Variants in JAK1 observed in about 807,000 individuals in gnomAD.
JAK1 encodes Janus kinase 1.
In JAK1, 16 loss-of-function variants were observed where a neutral mutation model predicts 136.6. The observed-to-expected ratio is 0.12, with a 90% CI of 0.08 to 0.18. The LOEUF (loss-of-function observed/expected upper bound fraction) is 0.18, where lower values mean the gene tolerates loss of function less well. JAK1 is among the 10% of genes least tolerant of loss of function. JAK1 has a pLI of 1.00. For missense variants in JAK1, 859 were observed against 1,450.1 expected, an observed-to-expected ratio of 0.59 and a Z score of 6.62; for synonymous variants, 492 against 519.5, an observed-to-expected ratio of 0.95 and a Z score of 0.72.
chr1:64,888,844 C>T (rs1168521594), intron 1 of JAK1, among the ~76,000 whole-genome samples: 4 of 152,142 alleles, frequency 2.6e-5, no homozygotes, highest in African/African-American at 9.7e-5. Context: ...AACTGTGATG[C>T]TTTTGAATGC....
chr1:64,860,608 C>A (rs1374722916), intron 8 of JAK1, among the ~76,000 whole-genome samples: 1 of 151,926 alleles, frequency 6.6e-6, no homozygotes, highest in Non-Finnish European at 1.5e-5. Flanking sequence ...CACCTGCCAT[C>A]ACACCTGGCT....
chr1:64,930,387 CA>C (rs1221042302), intron 1 of JAK1, among the ~76,000 whole-genome samples: 1 of 152,068 alleles, frequency 6.6e-6, no homozygotes, highest in Non-Finnish European at 1.5e-5. Flanking sequence ...GGCCAACAAA[CA>C]TAGGGGAAAA....
At chr1:64,922,140 T>C (rs966832744) in intron 1 of JAK1, among the ~76,000 whole-genome samples, 1 of 137,374 alleles carries the variant, frequency 7.3e-6, no homozygotes, top group Non-Finnish European at 1.5e-5. Context: ...CATTTGATTG[T>C]TCTTATGGAA....
chr1:65,055,234 G>A (rs1194748651), intron 1 of JAK1, among the ~76,000 whole-genome samples: 2 of 152,192 alleles, frequency 1.3e-5, no homozygotes, highest in Non-Finnish European at 2.9e-5. Flanking sequence ...GGAGCCTCAT[G>A]TGAGTGGAAT....
intron 4 of JAK1, among the ~76,000 whole-genome samples, chr1:64,876,819 GA>G (rs1309763060): frequency 1.3e-5 from 2 of 151,610 alleles, no homozygotes; most frequent in African/African-American, 4.8e-5. Flanking sequence ...AAAGGAGAAA[GA>G]AAAAAAAGAC....
chr1:64,911,256 C>T (rs146628779), intron 1 of JAK1, among the ~76,000 whole-genome samples: 1 of 152,234 alleles, frequency 6.6e-6, no homozygotes, highest in Non-Finnish European at 1.5e-5. Flanking sequence ...TAATAGTAAA[C>T]AATAGATGGG....
chr1:65,065,673 C>G (rs1166991442), intron 1 of JAK1, among the ~76,000 whole-genome samples: 2 of 150,462 alleles, frequency 1.3e-5, no homozygotes, highest in Non-Finnish European at 3.0e-5. Flanking sequence ...GGTGTGTCTT[C>G]TGCTTGGGAG....
At chr1:64,954,795 G>A (rs1646152957) in intron 1 of JAK1, among the ~76,000 whole-genome samples, 1 of 152,218 alleles carries the variant, frequency 6.6e-6, no homozygotes, top group African/African-American at 2.4e-5. Context: ...ATTATTGTAA[G>A]AAAACTGGAT....
chr1:64,879,865 G>T (rs1644742579), intron 3 of JAK1, among the ~76,000 whole-genome samples: 1 of 152,072 alleles, frequency 6.6e-6, no homozygotes, highest in Admixed American at 6.5e-5. Flanking sequence ...GAGAATGATG[G>T]GAAAGACCAG....
Position 64,867,072 on chromosome 1 carries a change from A to T in JAK1, c.784T>A (p.Ser262Thr). The T allele has an allele frequency of 1.2e-6, 2 of 1,614,228 alleles. No individual in the cohort carries two copies. The highest frequency in any genetic ancestry group is 2.2e-5 in the East Asian group (1 of 44,890). The change falls in exon 7 of 25, where the codon TCC (serine) becomes ACC (threonine). Residue 262 changes from serine to threonine, a missense_variant. Transcript: ENST00000342505. Reference protein sequence around the residue: ...NNKTICDSSVSTHDLKVKYLA... With the variant: ...NNKTICDSSVTTHDLKVKYLA... ...TATTTCACCTTCAGGTCATGCGTGGACACGCTGCTGTCACAAATGGTCTTG... is the reference window on the plus strand; with the variant it reads ...TATTTCACCTTCAGGTCATGCGTGGTCACGCTGCTGTCACAAATGGTCTTG...
chr1:64,985,342 C>T, intron 2 of JAK1: 1 of 1,611,216 alleles, frequency 6.2e-7, no homozygotes, highest in Non-Finnish European at 8.5e-7. Context: ...ACTTGCTTTT[C>T]TTGTGCCATC....
intron 1 of JAK1, among the ~76,000 whole-genome samples, chr1:64,919,382 T>C (rs1645457022): frequency 6.6e-6 from 1 of 152,360 alleles, no homozygotes; most frequent in South Asian, 2.1e-4. Context: ...TTCCATGGTG[T>C]ATATGTGCCA....
intron 3 of JAK1, among the ~76,000 whole-genome samples, chr1:64,879,899 C>T (rs1267313233): frequency 6.6e-6 from 1 of 152,162 alleles, no homozygotes; most frequent in Non-Finnish European, 1.5e-5. Context: ...TCACTCACTT[C>T]TACGCCCATG....
intron 2 of JAK1, among the ~76,000 whole-genome samples, chr1:65,024,236 G>C (rs1646959531): frequency 6.6e-6 from 1 of 152,084 alleles, no homozygotes; most frequent in African/African-American, 2.4e-5. Context: ...AGGTACAAGG[G>C]TTCTAATTTC....
intron 1 of JAK1, among the ~76,000 whole-genome samples, chr1:64,962,190 T>C (rs1226892576): frequency 6.6e-6 from 1 of 152,250 alleles, no homozygotes; most frequent in Non-Finnish European, 1.5e-5. Context: ...TTTTGTTGTC[T>C]GTCTATTCAC....
chr1:64,961,583 C>T (rs1308106536), intron 1 of JAK1, among the ~76,000 whole-genome samples: 1 of 152,138 alleles, frequency 6.6e-6, no homozygotes, highest in East Asian at 1.9e-4. Flanking sequence ...CCTCCTTCCG[C>T]TCCCTCCCAA....
At chr1:64,966,861 T>G (rs1646395182), upstream of JAK1, among the ~76,000 whole-genome samples, 1 of 152,088 alleles carries the variant, frequency 6.6e-6, no homozygotes, top group South Asian at 2.1e-4. Flanking sequence ...CTCCCAGCTC[T>G]GGAGCCCCCT....
chr1:64,864,854 G>C lies in JAK1; in HGVS notation c.1109C>G (p.Pro370Arg). ...REEWNNFSYF[P>R]EITHIVIKES... is the part of the protein sequence containing the mutation. ...CTTTATTACAATGTGAGTGATTTCA[G>C]GGAAGTAAGAAAAATTGTTCCACTC... Residue 370 changes from proline to arginine, a missense_variant, in exon 8 of 25, where the codon CCT becomes CGT. By Grantham distance (103) the Pro-to-Arg change is moderately radical. Coordinates refer to ENST00000342505, the MANE Select transcript of JAK1 (RefSeq NM_002227.4). 2 of 1,613,880 alleles carry C rather than the reference G, an allele frequency of 1.2e-6. No homozygotes were observed. Among genetic ancestry groups the C allele is most frequent in the South Asian group, 1.1e-5 (1 of 91,062 alleles).
chr1:64,993,936 C>T (rs1331489614), intron 2 of JAK1, among the ~76,000 whole-genome samples: 7 of 151,586 alleles, frequency 4.6e-5, no homozygotes, highest in Non-Finnish European at 1.0e-4. Flanking sequence ...CATGTGCCAC[C>T]GCACCTGGCA....
Sources: gnomAD v4.1 joint callset for allele counts (sites outside exome capture counted in the v4.1 genomes callset) on GRCh38, gnomAD v4.1.1 for gene constraint, MANE v1.5 for transcripts, NCBI Gene and HGNC (gene_info 2026-07-23, HGNC 2026-07-21) for gene names.